Variants in CEP85L observed in about 807,000 individuals in gnomAD.
CEP85L encodes centrosomal protein 85L, also known as centrosomal protein of 85 kDa-like.
Under a neutral mutation model 100.3 loss-of-function variants are expected in CEP85L, and 60 were observed. The ratio of observed to expected loss-of-function variants is 0.60; its 90% CI spans 0.49 to 0.74. The LOEUF (loss-of-function observed/expected upper bound fraction) is 0.74. Among genes scored for constraint, CEP85L ranks in the 30% least tolerant of loss-of-function variants. The probability of loss-of-function intolerance (pLI) is 0.00; values close to 1 mark genes in which losing one functional copy is unlikely to be tolerated. For missense variants in CEP85L, 973 were observed against 936.2 expected, an observed-to-expected ratio of 1.04 and a Z score of -0.51; for synonymous variants, 319 against 322.7, an observed-to-expected ratio of 0.99 and a Z score of 0.12.
In CEP85L at chr6:118,511,388, A is replaced by C; in HGVS notation, c.1167T>G (p.His389Gln). 6.2e-7 allele frequency: 1 copy of C among 1,612,318 alleles called. No homozygotes were observed. The highest frequency in any genetic ancestry group is 8.5e-7 in the Non-Finnish European group (1 of 1,178,808). The part of the protein sequence containing the change: ...DRQKQQITHL[H>Q]ERIRDNELRA... Reference sequence around the variant, plus strand: ...GTAATTCATTATCCCTTATCCTCTCATGCAGGTGGGTAATTTGTTGCTTCT... The same window carrying C: ...GTAATTCATTATCCCTTATCCTCTCCTGCAGGTGGGTAATTTGTTGCTTCT... Residue 389 changes from histidine (H) to glutamine (Q), a missense_variant, in exon 5 of 13, where the codon CAT becomes CAG. By Grantham distance (24) the His-to-Gln change is conservative (BLOSUM62 0). Coordinates refer to ENST00000368491, the MANE Select transcript of CEP85L (RefSeq NM_001042475.3).
At chr6:118,615,086 T>C (rs994642546) in intron 2 of CEP85L, among the ~76,000 whole-genome samples, 3 of 152,136 alleles carry the variant, frequency 2.0e-5, no homozygotes, top group Non-Finnish European at 4.4e-5. Flanking sequence ...ACAACGCTGA[T>C]GAGCAAAATA....
intron 3 of CEP85L, chr6:118,560,025 A>G (rs1446041608): frequency 6.0e-6 from 1 of 167,108 alleles, no homozygotes; most frequent in Non-Finnish European, 1.5e-5. Flanking sequence ...CTAACATCCA[A>G]TGCAGGCAAG....
At chr6:118,599,809 G>C (rs1451769261) in intron 2 of CEP85L, among the ~76,000 whole-genome samples, 3 of 152,034 alleles carry the variant, frequency 2.0e-5, no homozygotes, top group African/African-American at 7.2e-5. Flanking sequence ...CTAATCATGA[G>C]AAAAACGTAA....
chr6:118,537,401 C>G (rs1030195696), intron 3 of CEP85L: 16 of 473,656 alleles, frequency 3.4e-5, no homozygotes, highest in Non-Finnish European at 4.4e-5. Context: ...TCAGGGAGCA[C>G]TGGGAAGGCC....
intron 5 of CEP85L, among the ~76,000 whole-genome samples, chr6:118,507,423 C>T (rs1045906319): frequency 3.3e-5 from 5 of 152,170 alleles, no homozygotes; most frequent in African/African-American, 1.2e-4. Flanking sequence ...ATAACATCTA[C>T]CTTAAATCCA....
intron 5 of CEP85L, among the ~76,000 whole-genome samples, chr6:118,505,113 C>A (rs1376408162): frequency 1.3e-5 from 2 of 151,890 alleles, no homozygotes; most frequent in African/African-American, 2.4e-5. Context: ...CCTAAAACTG[C>A]TCTAAAAAAT....
rs762199579 is a variant in CEP85L, at chr6:118,483,780, T to G, written c.1516A>C (p.Arg506=). ...TACTTTTCCAAGGTCTCAATTCTTC[T>G]CTGCTTTTCTTTGTTTTGTTCAGAT... ...KESEQNKEKQ[R]RIETLEKYLA... is the part of the protein sequence containing the mutation. Residue 506 remains arginine (R), a synonymous_variant, in exon 7 of 13, where the codon AGA becomes CGA. Transcript: ENST00000368491. 6.2e-7 allele frequency: 1 copy of G among 1,613,876 alleles called. No homozygotes were observed. Among genetic ancestry groups the G allele is most frequent in the East Asian group, 2.2e-5 (1 of 44,862 alleles).
chr6:118,594,293 T>C (rs1428533211), intron 2 of CEP85L, among the ~76,000 whole-genome samples: 1 of 152,204 alleles, frequency 6.6e-6, no homozygotes, highest in Non-Finnish European at 1.5e-5. Flanking sequence ...GTTTCTTCCT[T>C]TCTGATATAT....
At chr6:118,690,805 C>A (rs551692956) in intron 1 of CEP85L, among the ~76,000 whole-genome samples, 1 of 152,002 alleles carries the variant, frequency 6.6e-6, no homozygotes, top group South Asian at 2.1e-4. Context: ...TGGAGACCAG[C>A]CTGGGCAACA....
upstream of CEP85L, among the ~76,000 whole-genome samples, chr6:118,656,196 G>A (rs1775782414): frequency 6.6e-6 from 1 of 152,180 alleles, no homozygotes; most frequent in South Asian, 2.1e-4. Context: ...GATAAACAGG[G>A]TTTTGCAGTG....
chr6:118,498,775 T>A (rs1173082472), intron 5 of CEP85L, among the ~76,000 whole-genome samples: 1 of 152,166 alleles, frequency 6.6e-6, no homozygotes, highest in Non-Finnish European at 1.5e-5. Context: ...TAACTGTAAC[T>A]GACATCTGTA....
chr6:118,611,229 A>G (rs759398270), intron 2 of CEP85L, among the ~76,000 whole-genome samples: 2 of 152,182 alleles, frequency 1.3e-5, no homozygotes, highest in African/African-American at 2.4e-5. Context: ...ATCATAAATG[A>G]GGGACGGTAA....
intron 3 of CEP85L, among the ~76,000 whole-genome samples, chr6:118,555,230 G>C (rs1176693932): frequency 1.3e-5 from 2 of 152,060 alleles, no homozygotes; most frequent in Non-Finnish European, 2.9e-5. Context: ...GGGAGATCGA[G>C]ACCATCCTGG....
At chr6:118,605,575 G>C (rs917218528) in intron 2 of CEP85L, among the ~76,000 whole-genome samples, 5 of 152,206 alleles carry the variant, frequency 3.3e-5, no homozygotes, top group African/African-American at 9.7e-5. Flanking sequence ...GATTTTGAGA[G>C]GGATCCATGT....
chr6:118,493,682 T>C (rs1173998033), intron 5 of CEP85L, among the ~76,000 whole-genome samples: 1 of 152,124 alleles, frequency 6.6e-6, no homozygotes, highest in Non-Finnish European at 1.5e-5. Context: ...ATAACCAAGG[T>C]TTAAGATTTT....
intron 2 of CEP85L, among the ~76,000 whole-genome samples, chr6:118,584,893 C>T (rs1780770952): frequency 6.6e-6 from 1 of 152,208 alleles, no homozygotes; most frequent in South Asian, 2.1e-4. Flanking sequence ...TTCCAACATC[C>T]AATTAAAGAA....
In CEP85L at chr6:118,651,073, G is replaced by A. The variant is rs1010481164; in HGVS notation, c.73+124C>T. On this transcript the variant is annotated intron_variant, in intron 1 of 12. Transcript: ENST00000368491. The stretch of plus-strand genomic sequence containing the variant: ...CAGCGGGGAGGACACTGGGCACGCG[G>A]CGGCGTCGGGGAGGCGGCCGGGGTA... 6 of 1,338,992 alleles carry A rather than the reference G, an allele frequency of 4.5e-6. No individual in the cohort carries two copies. The African/African-American group carries it at 9.3e-5, about 21-fold the overall frequency. The allele number at this position is 1,338,992 out of a possible 1,614,324, so 82.9% of individuals were successfully genotyped here.
chr6:118,681,243 G>A lies in CEP85L; in HGVS notation c.-27-28435C>T, dbSNP rs138996454. Among the ~76,000 whole-genome samples the A allele has an allele frequency of 2.6e-5, 4 of 152,284 alleles. No individual in the cohort carries two copies. In the South Asian group the frequency reaches 6.2e-4, roughly 24 times the overall value. The stretch of plus-strand genomic sequence containing the variant: ...AGACATTACAATAAACAGAGCCACA[G>A]GTTTTGTTTGTTTGTTTTTTACAGG... On this transcript the variant is annotated intron_variant, in intron 1 of 13. Coordinates refer to the CEP85L transcript ENST00000368488.
intron 3 of CEP85L, among the ~76,000 whole-genome samples, chr6:118,546,225 T>C (rs1186265942): frequency 6.6e-6 from 1 of 152,102 alleles, no homozygotes; most frequent in Non-Finnish European, 1.5e-5. Context: ...AACTCCCCAC[T>C]CTTGTACCAA....
Sources: gnomAD v4.1 joint callset for allele counts (sites outside exome capture counted in the v4.1 genomes callset) on GRCh38, gnomAD v4.1.1 for gene constraint, MANE v1.5 for transcripts, NCBI Gene and HGNC (gene_info 2026-07-23, HGNC 2026-07-21) for gene names.